Variants in MPPED1 observed in about 807,000 individuals in gnomAD.
MPPED1 encodes the protein metallophosphoesterase domain containing 1.
A neutral mutation model predicts 36.2 loss-of-function variants in MPPED1; 16 were observed. The ratio of observed to expected loss-of-function variants is 0.44; its 90% CI spans 0.30 to 0.67. The LOEUF (loss-of-function observed/expected upper bound fraction) is 0.67, where lower values mean the gene tolerates loss of function less well. Ranked by LOEUF, MPPED1 falls within the 30% of genes least tolerant of loss-of-function variation. The pLI, the probability that MPPED1 is intolerant of heterozygous loss-of-function variation, is 0.10. For synonymous variants in MPPED1, 199 were observed against 191.3 expected (o/e 1.04, Z -0.33); for missense variants, 307 against 453.4 (o/e 0.68, Z 2.93).
chr22:43,484,940 A>C lies in MPPED1; in HGVS notation c.632+9979A>C, dbSNP rs1475543391. On this transcript the variant is annotated intron_variant, in intron 4 of 6. Transcript: ENST00000443721. ...TAGAATTCTGAGCCCAACGTGCAGC[A>C]TCAGTTACATTCTGATGGAGGCAAA... Among the ~76,000 whole-genome samples the C allele has an allele frequency of 2.0e-5, 3 of 152,204 alleles. No homozygotes were observed. The East Asian group carries it at 5.8e-4, about 29-fold the overall frequency.
At chr22:43,500,085 A>G (rs1051342872) in intron 5 of MPPED1, among the ~76,000 whole-genome samples, 22 of 62,720 alleles carry the variant, frequency 3.5e-4, no homozygotes, top group Non-Finnish European at 5.1e-4. Flanking sequence ...GGTGGTGGTG[A>G]TGGCGATGGA....
At chr22:43,504,390 C>T (rs1157185136) in intron 6 of MPPED1, among the ~76,000 whole-genome samples, 5 of 151,300 alleles carry the variant, frequency 3.3e-5, no homozygotes, top group Non-Finnish European at 7.4e-5. Context: ...TGGTGGTATG[C>T]TGGTGATAAC....
chr22:43,421,488 G>A (rs1929273705), intron 1 of MPPED1, among the ~76,000 whole-genome samples: 1 of 152,234 alleles, frequency 6.6e-6, no homozygotes, highest in African/African-American at 2.4e-5. Flanking sequence ...TGCTCCTCTG[G>A]GGCAAAGACG....
At chr22:43,493,459 C>T (rs758612844) in intron 4 of MPPED1, among the ~76,000 whole-genome samples, 5 of 152,180 alleles carry the variant, frequency 3.3e-5, no homozygotes, top group African/African-American at 7.2e-5. Flanking sequence ...GATAGAGGCA[C>T]TGGCAATGGC....
chr22:43,469,995 AC>A (rs1400872080), intron 3 of MPPED1, among the ~76,000 whole-genome samples: 2 of 151,782 alleles, frequency 1.3e-5, no homozygotes, highest in African/African-American at 2.4e-5. Flanking sequence ...CCACCCACCA[AC>A]CCATCTATAA....
intron 5 of MPPED1, among the ~76,000 whole-genome samples, chr22:43,499,996 AGGTGGC>A (rs1335248204): frequency 2.2e-4 from 2 of 9,272 alleles, no homozygotes; most frequent in Non-Finnish European, 1.9e-4. Flanking sequence ...ATGGTGATGG[AGGTGGC>A]GGTGGTGATG....
chr22:43,441,997 G>T (rs978555343), intron 3 of MPPED1, among the ~76,000 whole-genome samples: 1 of 152,186 alleles, frequency 6.6e-6, no homozygotes, highest in Non-Finnish European at 1.5e-5. Context: ...AGCAGGTGGG[G>T]CCTCGCCCTC....
chr22:43,470,059 T>C (rs1931314738), intron 3 of MPPED1, among the ~76,000 whole-genome samples: 1 of 150,698 alleles, frequency 6.6e-6, no homozygotes, highest in South Asian at 2.1e-4. Flanking sequence ...TATCCATACA[T>C]ATATAAATCA....
intron 3 of MPPED1, among the ~76,000 whole-genome samples, chr22:43,459,465 G>A (rs1930869618): frequency 1.3e-5 from 2 of 152,116 alleles, no homozygotes; most frequent in Non-Finnish European, 2.9e-5. Context: ...ACACATGAGT[G>A]CACCCAATGG....
At chr22:43,464,821 T>A (rs1931106111) in intron 3 of MPPED1, among the ~76,000 whole-genome samples, 1 of 152,232 alleles carries the variant, frequency 6.6e-6, no homozygotes, top group Non-Finnish European at 1.5e-5. Context: ...AGTCTACCCA[T>A]CCATCTCTTT....
chr22:43,413,257 A>T (rs1261059617), intron 1 of MPPED1, among the ~76,000 whole-genome samples: 1 of 146,794 alleles, frequency 6.8e-6, no homozygotes, highest in Non-Finnish European at 1.5e-5. Context: ...TGGCTGTTGA[A>T]TGGCGGAGCT....
At position 43,450,771 on chromosome 22, in the gene MPPED1, G is replaced by A. The variant is rs1377927475; in HGVS notation, c.406+15556G>A. On this transcript the variant is annotated intron_variant, in intron 3 of 6. Coordinates refer to ENST00000443721, the MANE Select transcript of MPPED1 (RefSeq NM_001044370.2). ...GTCAGAGTTTCGTTCTTGCTGCCTA[G>A]GCTGGAGTGCAATGGTGCCATCTTG... is the stretch of plus-strand genomic sequence containing the variant. Among the ~76,000 whole-genome samples the A allele has an allele frequency of 2.6e-5, 4 of 152,104 alleles. No homozygotes were observed. In the East Asian group the frequency reaches 7.7e-4, roughly 29 times the overall value.
At chr22:43,452,713 C>T (rs113498502) in intron 3 of MPPED1, among the ~76,000 whole-genome samples, 240 of 151,532 alleles carry the variant, frequency 1.6e-3, no homozygotes, top group African/African-American at 5.4e-3. Flanking sequence ...CACTGAGCCT[C>T]GACTTCCCGG....
intron 4 of MPPED1, among the ~76,000 whole-genome samples, chr22:43,486,317 CTT>C (rs1298174080): frequency 1.3e-5 from 2 of 152,060 alleles, no homozygotes; most frequent in African/African-American, 4.8e-5. Flanking sequence ...CAGAGACACT[CTT>C]AATATTGGCT....
chr22:43,463,830 TC>T lies in MPPED1; in HGVS notation c.407-10905del, dbSNP rs1931052997. Among the ~76,000 whole-genome samples, 210 of 140,306 alleles carry T rather than the reference TC, an allele frequency of 1.5e-3. 6 individuals are homozygous for T. Among genetic ancestry groups the T allele is most frequent in the Non-Finnish European group, 2.2e-3 (141 of 64,650 alleles). 92.0% of individuals were successfully genotyped at this position (140,306 alleles called of 152,430 possible). A position where few individuals can be genotyped will look rare whatever the true frequency, so the allele number is the denominator to read the frequency against. On this transcript the variant is annotated intron_variant, in intron 3 of 6. Coordinates refer to ENST00000443721, the MANE Select transcript of MPPED1 (RefSeq NM_001044370.2). ...TCTTTTCTTTCTTTCTTTCTTTCTTTCTTTCTTTCTTTCTTTCTTTCTTTCT... is the reference window on the plus strand; with the variant it reads ...TCTTTTCTTTCTTTCTTTCTTTCTTTTTTCTTTCTTTCTTTCTTTCTTTCT...
intron 4 of MPPED1, among the ~76,000 whole-genome samples, chr22:43,497,955 AGCTTTCTTTTTTTTTTGGT>A (rs1932485127): frequency 2.8e-5 from 2 of 71,466 alleles, no homozygotes; most frequent in African/African-American, 3.2e-4. Flanking sequence ...ATATGTATTT[AGCTTTCTTTTTTTTTTGGT>A]TATGTAAATA....
intron 1 of MPPED1, among the ~76,000 whole-genome samples, chr22:43,413,304 A>G (rs560392717): frequency 6.7e-5 from 10 of 148,800 alleles, no homozygotes; most frequent in African/African-American, 9.9e-5. Flanking sequence ...GAGACTTGTT[A>G]GCAGGGATCT....
At chr22:43,476,463 A>G (rs1931581372) in intron 4 of MPPED1, among the ~76,000 whole-genome samples, 1 of 152,152 alleles carries the variant, frequency 6.6e-6, no homozygotes, top group African/African-American at 2.4e-5. Context: ...GGAGCCCTTT[A>G]GAGGCACAAA....
intron 3 of MPPED1, among the ~76,000 whole-genome samples, chr22:43,470,212 CCA>C (rs1931326803): frequency 6.6e-6 from 1 of 151,696 alleles, no homozygotes; most frequent in African/African-American, 2.4e-5. Context: ...ATCCATTCAT[CCA>C]TCCATGTATG....
Sources: gnomAD v4.1 joint callset for allele counts (sites outside exome capture counted in the v4.1 genomes callset) on GRCh38, gnomAD v4.1.1 for gene constraint, MANE v1.5 for transcripts, NCBI Gene and HGNC (gene_info 2026-07-23, HGNC 2026-07-21) for gene names.